CSMD1: variants seen among roughly 807,000 people sequenced by gnomAD.
CSMD1 encodes CUB and Sushi multiple domains 1.
A neutral mutation model predicts 417.5 loss-of-function variants in CSMD1; 213 were observed. The ratio of observed to expected loss-of-function variants is 0.51; its 90% CI spans 0.46 to 0.57. The LOEUF (loss-of-function observed/expected upper bound fraction) is 0.57. Ranked by LOEUF, CSMD1 falls within the 20% of genes least tolerant of loss-of-function variation. The pLI is 0.00. For synonymous variants in CSMD1, 2,862 were observed against 1,736.8 expected, an observed-to-expected ratio of 1.65 and a Z score of -16.11; for missense variants, 6,923 against 4,529.7, an observed-to-expected ratio of 1.53 and a Z score of -15.17.
At chr8:2,982,581 T>C (rs922257825) in intron 54 of CSMD1, among the ~76,000 whole-genome samples, 2 of 152,152 alleles carry the variant, frequency 1.3e-5, no homozygotes, top group Non-Finnish European at 2.9e-5. Flanking sequence ...CTAAGAGGGA[T>C]CACTGTTCCC....
chr8:4,288,207 G>C (rs997510208), intron 3 of CSMD1, among the ~76,000 whole-genome samples: 1 of 152,110 alleles, frequency 6.6e-6, no homozygotes, highest in African/African-American at 2.4e-5. Context: ...GCAGTGGATG[G>C]ATTCGTCCAC....
In CSMD1 at chr8:3,353,964, G is replaced by T. The variant is rs539157941; in HGVS notation, c.3304+5188C>A. The stretch of plus-strand genomic sequence containing the variant: ...CCTGTGAAATTTCCTGTCTCAGTCT[G>T]CTTGGCCTGCTGTAACAAAGTACCA... On this transcript the variant is annotated intron_variant, in intron 21 of 69. Transcript: ENST00000635120. 3.3e-5 allele frequency among the ~76,000 whole-genome samples: 5 copies of T among 152,220 alleles called. No homozygotes were observed. The East Asian group carries it at 7.7e-4, about 24-fold the overall frequency.
chr8:4,390,956 T>C (rs1033076593), intron 3 of CSMD1, among the ~76,000 whole-genome samples: 1 of 152,118 alleles, frequency 6.6e-6, no homozygotes, highest in Admixed American at 6.5e-5. Context: ...GACACACAAA[T>C]ACTTAAAACA....
chr8:3,185,665 G>A (rs1470116241), intron 36 of CSMD1, among the ~76,000 whole-genome samples: 2 of 152,196 alleles, frequency 1.3e-5, no homozygotes, highest in African/African-American at 2.4e-5. Flanking sequence ...CTGTACAGCA[G>A]TTGATAAATC....
chr8:3,867,617 A>G (rs777395668), intron 5 of CSMD1, among the ~76,000 whole-genome samples: 4 of 152,086 alleles, frequency 2.6e-5, no homozygotes, highest in Admixed American at 6.5e-5. Context: ...ATCTATACAT[A>G]TATCTATATA....
chr8:4,158,535 C>T (rs1355222372), intron 3 of CSMD1, among the ~76,000 whole-genome samples: 1 of 152,124 alleles, frequency 6.6e-6, no homozygotes, highest in Non-Finnish European at 1.5e-5. Context: ...GTAATATTAA[C>T]ACAGCCGCTA....
chr8:3,463,896 G>A (rs974003274), intron 12 of CSMD1, among the ~76,000 whole-genome samples: 1 of 152,092 alleles, frequency 6.6e-6, no homozygotes, highest in African/African-American at 2.4e-5. Context: ...ATACACCCTA[G>A]GAGCACAGAC....
At chr8:2,997,722 G>C (rs964793999) in intron 54 of CSMD1, among the ~76,000 whole-genome samples, 1 of 152,128 alleles carries the variant, frequency 6.6e-6, no homozygotes, top group Non-Finnish European at 1.5e-5. Context: ...TAACTATACA[G>C]GGTAGAAATA....
rs547702071 is a variant in CSMD1 at position 3,900,478 on chromosome 8, C to T, written c.818+97425G>A. Among the ~76,000 whole-genome samples, 54 of 144,738 alleles carry T rather than the reference C, an allele frequency of 3.7e-4. 1 individual carries two copies. Among genetic ancestry groups the T allele is most frequent in the African/African-American group, 1.4e-3 (52 of 38,418 alleles). 95.0% of individuals were successfully genotyped at this position (144,738 alleles called of 152,430 possible). A position where few individuals can be genotyped will look rare whatever the true frequency, so the allele number is the denominator to read the frequency against. ...AACAGTGCAGCTGGGTGACACTGTA[C>T]CTGGTTGACAGTGTAGCTGGGTGAC... On this transcript the variant is annotated intron_variant, in intron 5 of 69. Coordinates refer to ENST00000635120, the MANE Select transcript of CSMD1 (RefSeq NM_033225.6).
rs117991343 is a variant in CSMD1, at chr8:3,784,452, A to G, written c.819-30410T>C. On this transcript the variant is annotated intron_variant, in intron 5 of 69. Coordinates refer to ENST00000635120, the MANE Select transcript of CSMD1 (RefSeq NM_033225.6). Reference sequence around the variant, plus strand: ...GCCTTTCAGTTTCTTAAAGAGATATATAAGTTCCTGATTTTAAGGTGAACT... The same window carrying G: ...GCCTTTCAGTTTCTTAAAGAGATATGTAAGTTCCTGATTTTAAGGTGAACT... Among the ~76,000 whole-genome samples, 910 of 152,336 alleles carry G rather than the reference A, an allele frequency of 6.0e-3. 5 individuals are homozygous for G. The highest frequency in any genetic ancestry group is 8.5e-3 in the Non-Finnish European group (575 of 68,028).
chr8:3,996,443 G>GGTT (rs774161194), intron 5 of CSMD1, among the ~76,000 whole-genome samples: 1,270 of 78,008 alleles, frequency 0.016, 13 homozygotes, highest in Admixed American at 0.025. Flanking sequence ...TCATTTTTAA[G>GGTT]ATTTTTTTTT....
At chr8:4,232,083 G>A (rs900292814) in intron 3 of CSMD1, among the ~76,000 whole-genome samples, 1 of 152,300 alleles carries the variant, frequency 6.6e-6, no homozygotes, top group African/African-American at 2.4e-5. Flanking sequence ...AATTATTGTA[G>A]TACTTGATCA....
chr8:4,637,735 A>G (rs1356873185), intron 1 of CSMD1, among the ~76,000 whole-genome samples, 177 bp from the exon 2 acceptor site: 2 of 133,498 alleles, frequency 1.5e-5, no homozygotes, highest in East Asian at 2.3e-4. Context: ...CAGTGGCGCG[A>G]TCTCAGCTCA....
intron 3 of CSMD1, among the ~76,000 whole-genome samples, chr8:4,060,528 A>G (rs1798917299): frequency 6.6e-6 from 1 of 152,204 alleles, no homozygotes; most frequent in Non-Finnish European, 1.5e-5. Flanking sequence ...GGGATGTCGG[A>G]GAAGGAGTGT....
chr8:3,866,716 T>G (rs1805129748), intron 5 of CSMD1, among the ~76,000 whole-genome samples: 1 of 152,184 alleles, frequency 6.6e-6, no homozygotes, highest in South Asian at 2.1e-4. Flanking sequence ...AAGGTAGTCC[T>G]TGGCCACTAC....
chr8:2,977,054 A>T (rs952277131), intron 55 of CSMD1, among the ~76,000 whole-genome samples: 26 of 149,822 alleles, frequency 1.7e-4, no homozygotes, highest in South Asian at 4.2e-4. Flanking sequence ...GGTTTTTTTA[A>T]AAAAAAAAAG....
intron 5 of CSMD1, among the ~76,000 whole-genome samples, chr8:3,772,470 CATATATAT>C (rs34875542): frequency 2.6e-5 from 1 of 38,582 alleles, no homozygotes; most frequent in Non-Finnish European, 4.9e-5. Context: ...CATATATACA[CATATATAT>C]ACATATATAC....
At chr8:3,408,297 T>G in intron 13 of CSMD1, 72 bp from the exon 14 acceptor site, 1 of 1,235,244 alleles carries the variant, frequency 8.1e-7, no homozygotes, top group Non-Finnish European at 1.1e-6. Flanking sequence ...AACAGACAGC[T>G]AAGAACCTGG....
chr8:3,679,518 C>T (rs757163541), intron 7 of CSMD1, among the ~76,000 whole-genome samples: 1 of 152,108 alleles, frequency 6.6e-6, no homozygotes, highest in Non-Finnish European at 1.5e-5. Flanking sequence ...AATACAGGAG[C>T]ACCCAGATTC....
Sources: allele counts gnomAD v4.1 joint callset (sites outside exome capture counted in the v4.1 genomes callset), GRCh38; gene constraint gnomAD v4.1.1; transcripts MANE v1.5; gene names NCBI Gene and HGNC (gene_info 2026-07-23, HGNC 2026-07-21).